Variants in DSCAM observed in about 807,000 individuals in gnomAD.
DSCAM encodes the protein DS cell adhesion molecule.
In DSCAM, 47 loss-of-function variants were observed where a neutral mutation model predicts 217.7. The observed-to-expected ratio is 0.22, with a 90% CI of 0.17 to 0.28. The LOEUF is 0.28. DSCAM is among the 10% of genes least tolerant of loss of function. DSCAM has a pLI of 1.00. For synonymous variants in DSCAM, 1,056 were observed against 1,015.3 expected, an observed-to-expected ratio of 1.04 and a Z score of -0.76; for missense variants, 2,080 against 2,618.3, an observed-to-expected ratio of 0.79 and a Z score of 4.49.
At chr21:40,735,760 T>C (rs1569009522) in intron 1 of DSCAM, among the ~76,000 whole-genome samples, 1 of 152,342 alleles carries the variant, frequency 6.6e-6, no homozygotes, top group Non-Finnish European at 1.5e-5. Flanking sequence ...TGTTGCATTC[T>C]GCACTATTTT....
At chr21:40,326,120 G>A (rs565670527) in intron 8 of DSCAM, among the ~76,000 whole-genome samples, 3 of 152,226 alleles carry the variant, frequency 2.0e-5, no homozygotes, top group South Asian at 2.1e-4. Context: ...AGGGACAAAC[G>A]ATACCAGAAT....
At chr21:40,813,638 CT>C (rs1297677336) in intron 1 of DSCAM, among the ~76,000 whole-genome samples, 37 of 144,644 alleles carry the variant, frequency 2.6e-4, no homozygotes, top group African/African-American at 9.2e-4. Flanking sequence ...TTCTTTCTTT[CT>C]TTCTTGTTTT....
intron 3 of DSCAM, among the ~76,000 whole-genome samples, chr21:40,531,065 C>T (rs1882782): frequency 0.27 from 40,340 of 152,060 alleles, 6,619 homozygotes; most frequent in African/African-American, 0.44. Flanking sequence ...CTATTTTCCA[C>T]ACCTCAGGCA....
chr21:40,747,430 A>G (rs2091186125), intron 1 of DSCAM, among the ~76,000 whole-genome samples: 1 of 151,938 alleles, frequency 6.6e-6, no homozygotes, highest in African/African-American at 2.4e-5. Context: ...GTAAATTTCT[A>G]TATGCCAAGA....
intron 9 of DSCAM, among the ~76,000 whole-genome samples, chr21:40,308,443 G>C (rs2074103689): frequency 6.6e-6 from 1 of 152,148 alleles, no homozygotes; most frequent in African/African-American, 2.4e-5. Context: ...TGCAACTTCT[G>C]CTAGCACCCT....
chr21:40,548,465 T>A (rs969092594), intron 3 of DSCAM, among the ~76,000 whole-genome samples: 3 of 151,450 alleles, frequency 2.0e-5, no homozygotes, highest in African/African-American at 7.3e-5. Flanking sequence ...CAATTTACAA[T>A]CCTGGATGTA....
intron 3 of DSCAM, among the ~76,000 whole-genome samples, chr21:40,395,512 A>G (rs2075170922): frequency 1.3e-5 from 2 of 152,134 alleles, no homozygotes. Flanking sequence ...GTTACAATTG[A>G]CTTATGAATA....
At chr21:40,133,761 T>C in intron 19 of DSCAM, 93 bp downstream of exon 19, 1 of 1,449,724 alleles carries the variant, frequency 6.9e-7, no homozygotes, top group Non-Finnish European at 9.2e-7. Context: ...GCACTGAGAA[T>C]AGCCTGATGA....
intron 3 of DSCAM, among the ~76,000 whole-genome samples, chr21:40,400,540 T>C (rs1222835181): frequency 6.6e-6 from 1 of 152,078 alleles, no homozygotes; most frequent in Non-Finnish European, 1.5e-5. Flanking sequence ...GGTCTGGGTT[T>C]CTTGCCTAGG....
At chr21:40,598,497 GTTTTTTTT>G (rs71186947) in intron 3 of DSCAM, among the ~76,000 whole-genome samples, 7 of 66,814 alleles carry the variant, frequency 1.0e-4, no homozygotes, top group South Asian at 7.5e-4. Flanking sequence ...CTGCCAAACT[GTTTTTTTT>G]TTTTTTTTTT....
intron 16 of DSCAM, among the ~76,000 whole-genome samples, chr21:40,166,567 A>G (rs768453484): frequency 3.3e-5 from 5 of 152,236 alleles, no homozygotes; most frequent in Non-Finnish European, 7.3e-5. Context: ...AAAATTTGCT[A>G]TGGAAACCAT....
chr21:40,109,545 C>T (rs10439622), intron 20 of DSCAM, among the ~76,000 whole-genome samples: 16,997 of 152,272 alleles, frequency 0.11, 1,278 homozygotes, highest in Middle Eastern at 0.19. Flanking sequence ...GGGTTCATCT[C>T]ACTGGGGAGT....
chr21:40,062,694 C>T (rs529749699), intron 28 of DSCAM, among the ~76,000 whole-genome samples, 175 bp downstream of exon 28: 2 of 152,282 alleles, frequency 1.3e-5, no homozygotes, highest in African/African-American at 2.4e-5. Flanking sequence ...TCATCTACAC[C>T]TTCAGCTAGG....
At chr21:40,610,055 A>C (rs2089292657) in intron 3 of DSCAM, among the ~76,000 whole-genome samples, 1 of 152,240 alleles carries the variant, frequency 6.6e-6, no homozygotes, top group Non-Finnish European at 1.5e-5. Flanking sequence ...CTTGACAACC[A>C]AACACCTTTA....
chr21:40,063,387 C>A (rs2089152570), intron 27 of DSCAM, among the ~76,000 whole-genome samples: 1 of 151,302 alleles, frequency 6.6e-6, no homozygotes, highest in Non-Finnish European at 1.5e-5. Context: ...ATTTTGAATT[C>A]AGAAATTAAA....
Position 40,075,033 on chromosome 21 carries a change from C to A in DSCAM, c.4888+4G>T. The A allele has an allele frequency of 6.2e-7, 1 of 1,613,996 alleles. No individual in the cohort carries two copies. The highest frequency in any genetic ancestry group is 8.5e-7 in the Non-Finnish European group (1 of 1,179,960). On this transcript the variant is annotated splice_donor_region_variant and intron_variant, in intron 27 of 32. Coordinates refer to ENST00000400454, the MANE Select transcript of DSCAM (RefSeq NM_001389.5). Reference sequence around the variant, plus strand: ...CGTAGGTGGACAGCTGGGCCTGGACCTACCTCGCAGCCTCTTTAGCCTCTG... The same window carrying A: ...CGTAGGTGGACAGCTGGGCCTGGACATACCTCGCAGCCTCTTTAGCCTCTG...
intron 3 of DSCAM, among the ~76,000 whole-genome samples, chr21:40,679,558 G>A (rs73905056): frequency 0.012 from 1,764 of 152,262 alleles, 25 homozygotes; most frequent in African/African-American, 0.038. Context: ...GCATGCCATA[G>A]AATTGTTAGC....
At chr21:40,306,102 T>C (rs1290035955) in intron 9 of DSCAM, among the ~76,000 whole-genome samples, 1 of 151,886 alleles carries the variant, frequency 6.6e-6, no homozygotes. Flanking sequence ...TTTGTTTGTA[T>C]CCTCTTTTAT....
chr21:40,559,363 C>T (rs536302438), intron 3 of DSCAM, among the ~76,000 whole-genome samples: 1 of 151,052 alleles, frequency 6.6e-6, no homozygotes, highest in South Asian at 2.1e-4. Context: ...GAGGCTGAGG[C>T]AGAAGAATAG....
Sources: allele counts gnomAD v4.1 joint callset (sites outside exome capture counted in the v4.1 genomes callset), GRCh38; gene constraint gnomAD v4.1.1; transcripts MANE v1.5; gene names NCBI Gene and HGNC (gene_info 2026-07-23, HGNC 2026-07-21).